The following DNAH14 variants were observed in gnomAD, a reference collection of about 807,000 sequenced individuals.
DNAH14 encodes the protein axonemal beta dynein heavy chain 14.
Under a neutral mutation model 520.9 loss-of-function variants are expected in DNAH14, and 478 were observed. The ratio of observed to expected loss-of-function variants is 0.92; its 90% CI spans 0.85 to 0.99. The LOEUF (loss-of-function observed/expected upper bound fraction) is 0.99, where lower values mean the gene tolerates loss of function less well. Among genes scored for constraint, DNAH14 ranks in the 50% least tolerant of loss-of-function variants. The pLI is 0.00. For synonymous variants in DNAH14, 1,581 were observed against 1,757.2 expected, an observed-to-expected ratio of 0.90 and a Z score of 2.51; for missense variants, 4,831 against 5,234.5, an observed-to-expected ratio of 0.92 and a Z score of 2.38.
chr1:225,032,250 G>A (rs148226841), intron 11 of DNAH14, among the ~76,000 whole-genome samples: 3 of 151,988 alleles, frequency 2.0e-5, no homozygotes, highest in African/African-American at 7.2e-5. Flanking sequence ...GGCTCAAGTA[G>A]ACCCCAGTGT....
chr1:225,331,688 A>G, intron 65 of DNAH14, 111 bp downstream of exon 65: 1 of 1,389,256 alleles, frequency 7.2e-7, no homozygotes, highest in South Asian at 1.4e-5. Context: ...AAACTATCTA[A>G]CTATCCAGTT....
chr1:225,224,804 AT>A (rs1236205683), intron 41 of DNAH14, among the ~76,000 whole-genome samples: 2 of 152,140 alleles, frequency 1.3e-5, no homozygotes, highest in Non-Finnish European at 2.9e-5. Context: ...GAGCCTTAAT[AT>A]TGGCCCTGGA....
chr1:225,061,662 A>T (rs939552323), intron 17 of DNAH14, among the ~76,000 whole-genome samples: 19 of 151,742 alleles, frequency 1.3e-4, no homozygotes, highest in South Asian at 6.3e-4. Flanking sequence ...ATCCTAGATT[A>T]TTGTTTTTTA....
chr1:225,393,250 G>A (rs1054760411), intron 84 of DNAH14, among the ~76,000 whole-genome samples: 1 of 152,172 alleles, frequency 6.6e-6, no homozygotes, highest in East Asian at 1.9e-4. Flanking sequence ...TGAAAAAATA[G>A]TAATAAATAA....
chr1:224,976,895 G>A (rs2061886286), intron 8 of DNAH14, among the ~76,000 whole-genome samples: 1 of 151,528 alleles, frequency 6.6e-6, no homozygotes, highest in Non-Finnish European at 1.5e-5. Context: ...TGGTGGGACT[G>A]TAAACTAGTT....
At chr1:225,053,642 T>A (rs963177167) in intron 17 of DNAH14, among the ~76,000 whole-genome samples, 1 of 152,038 alleles carries the variant, frequency 6.6e-6, no homozygotes, top group African/African-American at 2.4e-5. Context: ...ATGAGATACA[T>A]CTAGGACATG....
chr1:225,039,839 C>T (rs568525786), intron 12 of DNAH14, among the ~76,000 whole-genome samples: 2 of 122,466 alleles, frequency 1.6e-5, no homozygotes, highest in South Asian at 5.9e-4. Flanking sequence ...GATCCCGCCA[C>T]TGCACTCCAG....
chr1:225,025,046 A>AAC, intron 11 of DNAH14, among the ~76,000 whole-genome samples: 1 of 152,068 alleles, frequency 6.6e-6, no homozygotes, highest in East Asian at 1.9e-4. Context: ...TTACAGGAAT[A>AAC]ATATATATAG....
chr1:225,317,861 T>G lies in DNAH14; in HGVS notation c.9241-722T>G, dbSNP rs576970892. On this transcript the variant is annotated intron_variant, in intron 60 of 85. Transcript: ENST00000682510. ...CCAGATCCTATAGGACAAGTTTCTA[T>G]TACAATATGACCTCTGGGCTTAATG... Among the ~76,000 whole-genome samples the G allele has an allele frequency of 1.5e-3, 222 of 152,294 alleles. 2 individuals are homozygous for G. The highest frequency in any genetic ancestry group is 5.1e-3 in the African/African-American group (212 of 41,568).
chr1:225,218,647 T>C (rs6681803), intron 41 of DNAH14, among the ~76,000 whole-genome samples: 53,967 of 151,992 alleles, frequency 0.36, 11,844 homozygotes, highest in East Asian at 0.61. Flanking sequence ...TACAGGAGAA[T>C]ACAAGATTCA....
intron 34 of DNAH14, among the ~76,000 whole-genome samples, chr1:225,157,746 G>T (rs2081177583): frequency 6.6e-6 from 1 of 151,908 alleles, no homozygotes; most frequent in South Asian, 2.1e-4. Context: ...ATAAAGTCTG[G>T]AACCCTTTTT....
intron 11 of DNAH14, 157 bp downstream of exon 11, chr1:225,024,022 T>G: frequency 7.3e-7 from 1 of 1,365,298 alleles, no homozygotes; most frequent in African/African-American, 1.5e-5. Context: ...GAACTTATTA[T>G]TTGGTAATAC....
intron 41 of DNAH14, among the ~76,000 whole-genome samples, chr1:225,211,004 C>T (rs1428079456): frequency 6.6e-6 from 1 of 152,174 alleles, no homozygotes; most frequent in Admixed American, 6.5e-5. Flanking sequence ...TGAAGGTCAC[C>T]AGCATCAAAG....
chr1:225,290,641 GTGTGTGTATATATATA>G (rs1373051080), intron 55 of DNAH14, among the ~76,000 whole-genome samples: 1,317 of 91,226 alleles, frequency 0.014, 76 homozygotes, highest in Non-Finnish European at 0.016. Flanking sequence ...ATGTGTGTGT[GTGTGTGTATATATATA>G]TATATATATA....
intron 11 of DNAH14, among the ~76,000 whole-genome samples, chr1:225,027,382 T>TA (rs2066199777): frequency 6.6e-6 from 1 of 152,124 alleles, no homozygotes; most frequent in African/African-American, 2.4e-5. Context: ...ATGATGTGCC[T>TA]GTGGGTTTTT....
At chr1:225,129,358 A>G (rs1406412553) in intron 27 of DNAH14, among the ~76,000 whole-genome samples, 2 of 151,838 alleles carry the variant, frequency 1.3e-5, no homozygotes, top group African/African-American at 4.8e-5. Context: ...CCGCATCACC[A>G]AGTCAATCCT....
intron 30 of DNAH14, 96 bp from the exon 31 acceptor site, chr1:225,147,008 G>A: frequency 1.0e-6 from 1 of 983,722 alleles, no homozygotes; most frequent in Non-Finnish European, 1.4e-6. Context: ...TGCTTGGTTT[G>A]GGTAGCATGG....
At chr1:225,398,950 A>T in intron 85 of DNAH14, 104 bp from the exon 86 acceptor site, 1 of 925,322 alleles carries the variant, frequency 1.1e-6, no homozygotes, top group Non-Finnish European at 1.6e-6. Context: ...CCTTAAATGT[A>T]TCTAATTCAT....
rs189543699 is a variant in DNAH14 at position 224,980,309 on chromosome 1, T to G, written c.830+6156T>G. Among the ~76,000 whole-genome samples, 126 of 152,234 alleles carry G rather than the reference T, an allele frequency of 8.3e-4. 2 individuals are homozygous for G. In the East Asian group the frequency reaches 0.016, roughly 19 times the overall value. The stretch of plus-strand genomic sequence containing the variant: ...CTGGCAACGTTCACCACAAGCTGAC[T>G]GAAAAGCCCTTGGTGAACATCAGTG... On this transcript the variant is annotated intron_variant, in intron 8 of 85. Transcript: ENST00000682510.
Sources: allele counts gnomAD v4.1 joint callset (sites outside exome capture counted in the v4.1 genomes callset), GRCh38; gene constraint gnomAD v4.1.1; transcripts MANE v1.5; gene names NCBI Gene and HGNC (gene_info 2026-07-23, HGNC 2026-07-21).